SVEP1: variants seen among roughly 807,000 people sequenced by gnomAD.
SVEP1 encodes the protein sushi, von Willebrand factor type A, EGF and pentraxin domain-containing protein 1.
Under a neutral mutation model 367.3 loss-of-function variants are expected in SVEP1, and 164 were observed. The ratio of observed to expected loss-of-function variants is 0.45; its 90% confidence interval spans 0.39 to 0.51. The LOEUF (loss-of-function observed/expected upper bound fraction) is 0.51, where lower values mean the gene tolerates loss of function less well. SVEP1 is among the 20% of genes least tolerant of loss of function. The pLI is 0.00. For missense variants in SVEP1, 4,117 were observed against 4,425.3 expected (o/e 0.93, Z 1.98); for synonymous variants, 1,666 against 1,611.6 (o/e 1.03, Z -0.81).
intron 20 of SVEP1, among the ~76,000 whole-genome samples, chr9:110,457,712 C>G (rs1828797175): frequency 6.6e-6 from 1 of 152,136 alleles, no homozygotes; most frequent in Admixed American, 6.6e-5. Flanking sequence ...AAAAACTTGG[C>G]CAGGATTCTA....
chr9:110,478,794 C>A (rs1829140531), intron 13 of SVEP1, among the ~76,000 whole-genome samples: 1 of 151,904 alleles, frequency 6.6e-6, no homozygotes, highest in Admixed American at 6.6e-5. Context: ...GTAAGCAGCA[C>A]AATAAAATGT....
In SVEP1 at chr9:110,479,592, G is replaced by T. The variant is rs368062524; in HGVS notation, c.2487+43C>A. 3.9e-6 allele frequency: 6 copies of T among 1,554,338 alleles called. No individual in the cohort carries two copies. In the African/African-American group the frequency reaches 5.5e-5, roughly 14 times the overall value. ...TAAATGACTCAGAAAGGTTATGAAA[G>T]CCTTATAAAAGAACACACAATAAAT... On this transcript the variant is annotated intron_variant, in intron 13 of 47. Transcript: ENST00000374469.
At chr9:110,574,197 G>A (rs1211650551) in intron 1 of SVEP1, among the ~76,000 whole-genome samples, 2 of 152,242 alleles carry the variant, frequency 1.3e-5, no homozygotes, top group Admixed American at 1.3e-4. Context: ...TATACAAGAG[G>A]AATAAGATGT....
Position 110,457,372 on chromosome 9 carries a change from AT to A in SVEP1, c.3577-21del. The A allele has an allele frequency of 6.3e-7, 1 of 1,575,764 alleles. No homozygotes were observed. Among genetic ancestry groups the A allele is most frequent in the African/African-American group, 1.4e-5 (1 of 73,848 alleles). ...GAAAACCTACCAGTAGCATAAAAAA[AT>A]CAATCAGAGACAAAGCACTCTATTT... is the stretch of plus-strand genomic sequence containing the variant. On this transcript the variant is annotated intron_variant, in intron 20 of 47. Coordinates refer to ENST00000374469, the MANE Select transcript of SVEP1 (RefSeq NM_153366.4).
At chr9:110,427,405 C>A (rs906125780) in intron 36 of SVEP1, among the ~76,000 whole-genome samples, 186 bp downstream of exon 36, 2 of 151,746 alleles carry the variant, frequency 1.3e-5, no homozygotes, top group African/African-American at 4.8e-5. Flanking sequence ...ACTCAAATTC[C>A]AGGAAAATAT....
intron 24 of SVEP1, among the ~76,000 whole-genome samples, chr9:110,447,502 G>A (rs1828621307): frequency 6.6e-6 from 1 of 152,212 alleles, no homozygotes; most frequent in South Asian, 2.1e-4. Context: ...CTACCAAGTG[G>A]TGGAGTGGGG....
chr9:110,430,414 T>C lies in SVEP1; in HGVS notation c.5390A>G (p.Asn1797Ser), dbSNP rs1198171352. Residue 1797 changes from asparagine to serine, a missense_variant, in exon 33 of 48, where the codon AAT becomes AGT. Asn to Ser is a conservative substitution (Grantham distance 46). Coordinates refer to ENST00000374469, the MANE Select transcript of SVEP1 (RefSeq NM_153366.4). ...ATAAATCTCACCTGAGGAGTGGCCA[T>C]TTTCCGGATTTCCTGGAGCCTTACA... Reference protein sequence around the residue: ...IKCKAPGNPENGHSSGEIYTV... With the variant: ...IKCKAPGNPESGHSSGEIYTV... 1 of 1,612,720 alleles carries C rather than the reference T, an allele frequency of 6.2e-7. No homozygotes were observed. Among genetic ancestry groups the C allele is most frequent in the Non-Finnish European group, 8.5e-7 (1 of 1,179,458 alleles).
At position 110,496,827 on chromosome 9, in the gene SVEP1, G is replaced by A; in HGVS notation, c.1788C>T (p.Asn596=). 1 of 1,554,876 alleles carries A rather than the reference G, an allele frequency of 6.4e-7. No homozygotes were observed. The highest frequency in any genetic ancestry group is 8.7e-7 in the Non-Finnish European group (1 of 1,147,784). ...GCACAAACCTTACCTTTTCACCAGA[G>A]TTGTCTTTAGCTGTTGGAATCTGCC... ...VTWQIPTAKD[N]SGEKVSVHVH... Residue 596 remains asparagine (N), a synonymous_variant, in exon 8 of 48, where the codon AAC becomes AAT. Transcript: ENST00000374469.
intron 40 of SVEP1, among the ~76,000 whole-genome samples, chr9:110,392,136 T>TATATATATATATATATATATATATAC (rs1827666014): frequency 6.9e-6 from 1 of 145,548 alleles, no homozygotes; most frequent in Non-Finnish European, 1.5e-5. Context: ...TTCCTCATTA[T>TATATATATATATATATATATATATAC]ATATATATAT....
At chr9:110,568,203 A>T (rs140317131) in intron 1 of SVEP1, among the ~76,000 whole-genome samples, 1 of 152,354 alleles carries the variant, frequency 6.6e-6, no homozygotes, top group African/African-American at 2.4e-5. Context: ...CAGAGCCTAG[A>T]TGGAAACATC....
intron 44 of SVEP1, among the ~76,000 whole-genome samples, chr9:110,378,719 C>T (rs993679416): frequency 7.5e-6 from 1 of 133,334 alleles, no homozygotes; most frequent in African/African-American, 2.9e-5. Context: ...GATGAGAACA[C>T]ATGGACACAG....
intron 40 of SVEP1, among the ~76,000 whole-genome samples, chr9:110,390,028 TATATATATATAAGTATATATACAC>T (rs1296711905): frequency 4.3e-5 from 4 of 93,448 alleles, no homozygotes; most frequent in Non-Finnish European, 8.9e-5. Flanking sequence ...TGTGTGTGTG[TATATATATATAAGTATATATACAC>T]GTATATATAT....
intron 22 of SVEP1, among the ~76,000 whole-genome samples, chr9:110,454,287 G>A (rs1173443918): frequency 6.6e-6 from 1 of 152,114 alleles, no homozygotes; most frequent in Non-Finnish European, 1.5e-5. Flanking sequence ...CTTTGCCAAG[G>A]CCAATGTCAA....
intron 21 of SVEP1, 38 bp downstream of exon 21, chr9:110,457,218 A>C (rs1443087024): frequency 1.4e-6 from 2 of 1,465,360 alleles, no homozygotes; most frequent in Non-Finnish European, 1.9e-6. Context: ...GATTTCATAT[A>C]AAATATATTA....
intron 40 of SVEP1, among the ~76,000 whole-genome samples, chr9:110,390,215 T>TACATACTTATATAAGTATGTA (rs1827620347): frequency 1.6e-5 from 1 of 63,060 alleles, no homozygotes; most frequent in Non-Finnish European, 3.3e-5. Flanking sequence ...ATGTATATAC[T>TACATACTTATATAAGTATGTA]TGTATATATA....
intron 1 of SVEP1, among the ~76,000 whole-genome samples, chr9:110,572,671 G>C (rs1056004441): frequency 2.6e-5 from 4 of 151,512 alleles, no homozygotes; most frequent in Non-Finnish European, 5.9e-5. Flanking sequence ...AGACCAGCTC[G>C]GCCAACATGG....
intron 24 of SVEP1, among the ~76,000 whole-genome samples, chr9:110,448,169 G>C (rs75618747): frequency 5.5e-5 from 3 of 55,026 alleles, no homozygotes; most frequent in African/African-American, 2.1e-4. Context: ...GTGTGCGCGC[G>C]CTCGCGCGTG....
chr9:110,437,565 C>A (rs1206758299), intron 27 of SVEP1, among the ~76,000 whole-genome samples: 1 of 152,220 alleles, frequency 6.6e-6, no homozygotes, highest in African/African-American at 2.4e-5. Context: ...TGCTCATTCT[C>A]AGTCTCCCTT....
At chr9:110,497,608 C>T (rs935871277) in intron 7 of SVEP1, among the ~76,000 whole-genome samples, 2 of 152,130 alleles carry the variant, frequency 1.3e-5, no homozygotes, top group Non-Finnish European at 2.9e-5. Context: ...ATGAGGCTGT[C>T]AACTAGAATT....
Sources: allele counts gnomAD v4.1 joint callset (sites outside exome capture counted in the v4.1 genomes callset), GRCh38; gene constraint gnomAD v4.1.1; transcripts MANE v1.5; gene names NCBI Gene and HGNC (gene_info 2026-07-23, HGNC 2026-07-21).